SWT1: variants seen among roughly 807,000 people sequenced by gnomAD.
SWT1 encodes the protein transcriptional protein SWT1.
SWT1 carries 33 observed loss-of-function variants against 107.3 expected under a neutral mutation model. The observed-to-expected ratio is 0.31, with a 90% CI of 0.23 to 0.41. The LOEUF (loss-of-function observed/expected upper bound fraction) is 0.41, where lower values mean the gene tolerates loss of function less well. SWT1 is among the 10% of genes least tolerant of loss of function. The pLI, the probability that SWT1 is intolerant of heterozygous loss-of-function variation, is 1.00. For synonymous variants in SWT1, 345 were observed against 348.3 expected (o/e 0.99, Z 0.11); for missense variants, 898 against 1,028.9 (o/e 0.87, Z 1.74).
intron 15 of SWT1, among the ~76,000 whole-genome samples, chr1:185,225,788 ATTGTC>A (rs1386789445): frequency 1.3e-5 from 2 of 152,166 alleles, no homozygotes; most frequent in Non-Finnish European, 2.9e-5. Context: ...ATGTATTCTT[ATTGTC>A]TTAAGTGACA....
intron 9 of SWT1, among the ~76,000 whole-genome samples, chr1:185,189,482 A>T (rs1656762599): frequency 6.6e-6 from 1 of 152,180 alleles, no homozygotes; most frequent in Admixed American, 6.5e-5. Context: ...ACAGGAAACT[A>T]GTTTAGCTGC....
At chr1:185,278,540 A>G (rs915773164) in intron 18 of SWT1, among the ~76,000 whole-genome samples, 3 of 152,180 alleles carry the variant, frequency 2.0e-5, no homozygotes, top group Admixed American at 6.5e-5. Context: ...AGGAGCTAAA[A>G]CTGTTTAATT....
chr1:185,247,929 A>C (rs1393613618), intron 16 of SWT1, among the ~76,000 whole-genome samples: 1 of 152,150 alleles, frequency 6.6e-6, no homozygotes, highest in African/African-American at 2.4e-5. Context: ...AGTTGGTGAC[A>C]GTGCTTTCTT....
intron 18 of SWT1, among the ~76,000 whole-genome samples, chr1:185,289,876 CAA>C (rs1392106618): frequency 6.6e-6 from 1 of 152,058 alleles, no homozygotes; most frequent in Non-Finnish European, 1.5e-5. Context: ...TGAAAGGACA[CAA>C]AATTTCAGAT....
intron 16 of SWT1, chr1:185,264,548 T>G: frequency 3.0e-6 from 2 of 662,038 alleles, no homozygotes; most frequent in Non-Finnish European, 3.7e-6. Context: ...GTTACCTATG[T>G]TAACTCATTT....
Position 185,250,224 on chromosome 1 carries a change from C to CTGAAG in SWT1, c.2441+18520_2441+18524dup, listed in dbSNP as rs1196747490. Among the ~76,000 whole-genome samples, 6 of 152,216 alleles carry CTGAAG rather than the reference C, an allele frequency of 3.9e-5. No homozygotes were observed. The East Asian group carries it at 7.7e-4, about 20-fold the overall frequency. On this transcript the variant is annotated intron_variant, in intron 16 of 18. Coordinates refer to ENST00000367500, the MANE Select transcript of SWT1 (RefSeq NM_017673.7). ...CTCACTGCAGCCTCGAACTCTTAGG[C>CTGAAG]TGAAGTGATCTTCTCGCCTCAGCCT...
chr1:185,185,114 C>G (rs1002916842), intron 9 of SWT1, among the ~76,000 whole-genome samples, 183 bp downstream of exon 9: 1 of 152,174 alleles, frequency 6.6e-6, no homozygotes, highest in Non-Finnish European at 1.5e-5. Flanking sequence ...TCTGCTTCTC[C>G]TAGACGTTTT....
At chr1:185,282,283 AT>A (rs1413443119) in intron 18 of SWT1, among the ~76,000 whole-genome samples, 1 of 152,002 alleles carries the variant, frequency 6.6e-6, no homozygotes, top group Non-Finnish European at 1.5e-5. Flanking sequence ...ACCACACCAC[AT>A]TTTGGATCTA....
intron 3 of SWT1, among the ~76,000 whole-genome samples, chr1:185,167,519 A>C (rs577427076): frequency 2.0e-5 from 3 of 152,218 alleles, no homozygotes; most frequent in Non-Finnish European, 4.4e-5. Flanking sequence ...TTGTTTTCAT[A>C]TAATTAAGCT....
At chr1:185,241,781 T>C (rs1661270309) in intron 16 of SWT1, among the ~76,000 whole-genome samples, 1 of 152,028 alleles carries the variant, frequency 6.6e-6, no homozygotes, top group Admixed American at 6.6e-5. Flanking sequence ...ATTATGACAT[T>C]AGATGAATAG....
At chr1:185,272,893 C>T (rs534264394) in intron 17 of SWT1, among the ~76,000 whole-genome samples, 6 of 151,802 alleles carry the variant, frequency 4.0e-5, no homozygotes, top group South Asian at 2.1e-4. Flanking sequence ...CAAAATTAGC[C>T]GGCATGGTGG....
At chr1:185,165,658 T>A (rs1654507944) in intron 2 of SWT1, among the ~76,000 whole-genome samples, 1 of 152,204 alleles carries the variant, frequency 6.6e-6, no homozygotes, top group African/African-American at 2.4e-5. Flanking sequence ...GTTTTTCCAC[T>A]TCATCCAGAA....
intron 13 of SWT1, among the ~76,000 whole-genome samples, chr1:185,210,987 A>T (rs1658751116): frequency 6.6e-6 from 1 of 151,848 alleles, no homozygotes; most frequent in Admixed American, 6.6e-5. Context: ...ACAACTTAAA[A>T]GGGATGTGAA....
intron 15 of SWT1, among the ~76,000 whole-genome samples, chr1:185,225,884 T>G (rs1047480951): frequency 6.6e-6 from 1 of 152,232 alleles, no homozygotes; most frequent in Non-Finnish European, 1.5e-5. Flanking sequence ...AATACTTCTA[T>G]TTAGTGTGCA....
At chr1:185,273,184 C>T (rs1176827404) in intron 17 of SWT1, among the ~76,000 whole-genome samples, 2 of 152,172 alleles carry the variant, frequency 1.3e-5, no homozygotes, top group African/African-American at 4.8e-5. Flanking sequence ...GCAGGTGGAT[C>T]ACTTGAGGTC....
chr1:185,242,138 C>T lies in SWT1; in HGVS notation c.2441+10430C>T, dbSNP rs118030346. 5.5e-3 allele frequency among the ~76,000 whole-genome samples: 840 copies of T among 152,178 alleles called. 34 individuals carry two copies. In the East Asian group the frequency reaches 0.093, roughly 17 times the overall value. ...GGCAGTTCTTGTTATATTATAGACA[C>T]ATATAAGGTCATATGTGTAAAATAT... On this transcript the variant is annotated intron_variant, in intron 16 of 18. Coordinates refer to ENST00000367500, the MANE Select transcript of SWT1 (RefSeq NM_017673.7).
At chr1:185,281,246 C>A in intron 18 of SWT1, 1 of 213,318 alleles carries the variant, frequency 4.7e-6, no homozygotes, top group South Asian at 8.1e-5. Flanking sequence ...GATGTGAAAC[C>A]CAAGGACCTG....
At chr1:185,257,102 G>A (rs1662607477) in intron 16 of SWT1, among the ~76,000 whole-genome samples, 3 of 152,102 alleles carry the variant, frequency 2.0e-5, no homozygotes, top group African/African-American at 2.4e-5. Flanking sequence ...CGGGGGTCAG[G>A]TGTCAGGGAC....
chr1:185,197,002 GGA>G (rs1657449552), intron 10 of SWT1, among the ~76,000 whole-genome samples: 1 of 152,176 alleles, frequency 6.6e-6, no homozygotes, highest in East Asian at 1.9e-4. Flanking sequence ...GAATAGGAGT[GGA>G]GAGAGAGGGC....
Sources: allele counts gnomAD v4.1 joint callset (sites outside exome capture counted in the v4.1 genomes callset), GRCh38; gene constraint gnomAD v4.1.1; transcripts MANE v1.5; gene names NCBI Gene and HGNC (gene_info 2026-07-23, HGNC 2026-07-21).